MSRB3: variants seen among roughly 807,000 people sequenced by gnomAD.
MSRB3 encodes methionine sulfoxide reductase B3, also known as methionine-R-sulfoxide reductase B3.
Under a neutral mutation model 21.0 loss-of-function variants are expected in MSRB3, and 13 were observed. The ratio of observed to expected loss-of-function variants is 0.62; its 90% CI spans 0.40 to 0.98. The LOEUF (loss-of-function observed/expected upper bound fraction) is 0.98, where lower values mean the gene tolerates loss of function less well. Among genes scored for constraint, MSRB3 ranks in the 50% least tolerant of loss-of-function variants. The pLI, the probability that MSRB3 is intolerant of heterozygous loss-of-function variation, is 0.00. For missense variants in MSRB3, 199 were observed against 230.3 expected (o/e 0.86, Z 0.88); for synonymous variants, 87 against 88.6 (o/e 0.98, Z 0.10).
At chr12:65,423,512 A>G (rs1351107201) in intron 5 of MSRB3, among the ~76,000 whole-genome samples, 1 of 152,190 alleles carries the variant, frequency 6.6e-6, no homozygotes, top group African/African-American at 2.4e-5. Flanking sequence ...GTTGAGGCAC[A>G]TTCCTACTAT....
At chr12:65,397,576 G>A (rs1236592012) in intron 5 of MSRB3, among the ~76,000 whole-genome samples, 1 of 151,724 alleles carries the variant, frequency 6.6e-6, no homozygotes, top group East Asian at 1.9e-4. Flanking sequence ...ATAATCATTT[G>A]GAAAAGTACA....
chr12:65,352,361 T>A (rs1877070422), intron 4 of MSRB3, among the ~76,000 whole-genome samples: 1 of 150,478 alleles, frequency 6.6e-6, no homozygotes, highest in African/African-American at 2.5e-5. Context: ...AATATCATAC[T>A]GAATGGGCAA....
intron 5 of MSRB3, among the ~76,000 whole-genome samples, chr12:65,411,587 A>G (rs1880718332): frequency 6.6e-6 from 1 of 152,082 alleles, no homozygotes; most frequent in African/African-American, 2.4e-5. Context: ...TTCTCTTTAT[A>G]AGCTGTTTGT....
At chr12:65,281,865 A>G (rs753761794) in intron 1 of MSRB3, 2 of 152,214 alleles carry the variant, frequency 1.3e-5, no homozygotes, top group African/African-American at 2.4e-5. Flanking sequence ...GGATCTACCT[A>G]TCTGATTTAG....
intron 5 of MSRB3, among the ~76,000 whole-genome samples, chr12:65,390,456 C>T (rs540598862): frequency 6.6e-6 from 1 of 152,166 alleles, no homozygotes; most frequent in African/African-American, 2.4e-5. Flanking sequence ...TTTAGCCTCA[C>T]TATTACTCAT....
chr12:65,301,335 G>A (rs1002091830), intron 1 of MSRB3, among the ~76,000 whole-genome samples: 2 of 152,120 alleles, frequency 1.3e-5, no homozygotes, highest in African/African-American at 2.4e-5. Context: ...ATTAGAGCTT[G>A]GATCAAAGTT....
At chr12:65,295,638 A>AAAG (rs1872922643) in intron 1 of MSRB3, among the ~76,000 whole-genome samples, 1 of 152,128 alleles carries the variant, frequency 6.6e-6, no homozygotes, top group African/African-American at 2.4e-5. Context: ...ACTATTATAT[A>AAAG]ACATGTTAAA....
intron 6 of MSRB3, among the ~76,000 whole-genome samples, chr12:65,458,552 G>A (rs1428755579): frequency 1.3e-5 from 2 of 152,160 alleles, no homozygotes. Context: ...TCTTTGCATT[G>A]ACAGCACTGA....
intron 5 of MSRB3, among the ~76,000 whole-genome samples, chr12:65,435,978 T>A (rs1369719826): frequency 6.6e-6 from 1 of 151,858 alleles, no homozygotes; most frequent in African/African-American, 2.4e-5. Context: ...TTAGAAAAGT[T>A]AGATAGTGAA....
At chr12:65,350,638 C>T (rs1876904417) in intron 4 of MSRB3, among the ~76,000 whole-genome samples, 1 of 145,276 alleles carries the variant, frequency 6.9e-6, no homozygotes, top group African/African-American at 2.6e-5. Flanking sequence ...AAATGGAAAA[C>T]AAAAAAAGGC....
At chr12:65,349,056 C>T (rs1418407063) in intron 4 of MSRB3, among the ~76,000 whole-genome samples, 2 of 152,052 alleles carry the variant, frequency 1.3e-5, no homozygotes, top group African/African-American at 2.4e-5. Flanking sequence ...TATCCCTCCC[C>T]CTTCTCCCCA....
intron 2 of MSRB3, among the ~76,000 whole-genome samples, chr12:65,309,900 G>A (rs2136425099): frequency 6.6e-6 from 1 of 152,196 alleles, no homozygotes; most frequent in East Asian, 1.9e-4. Context: ...GGAAGGAAAG[G>A]TAGCCAAATC....
intron 4 of MSRB3, among the ~76,000 whole-genome samples, chr12:65,347,447 CTT>C (rs1305322945): frequency 6.6e-6 from 1 of 152,186 alleles, no homozygotes; most frequent in Admixed American, 6.5e-5. Flanking sequence ...TATCCTGAGA[CTT>C]TGCTGAAGTT....
At chr12:65,350,100 A>C (rs2136491943) in intron 4 of MSRB3, among the ~76,000 whole-genome samples, 1 of 152,090 alleles carries the variant, frequency 6.6e-6, no homozygotes, top group African/African-American at 2.4e-5. Context: ...GGTGTAAGGA[A>C]GGGATCCAGT....
At chr12:65,320,252 A>G (rs909361292) in intron 2 of MSRB3, among the ~76,000 whole-genome samples, 8 of 152,328 alleles carry the variant, frequency 5.3e-5, no homozygotes, top group Middle Eastern at 3.4e-3. Flanking sequence ...AGAAGAAACA[A>G]TTATCTTTTT....
intron 1 of MSRB3, among the ~76,000 whole-genome samples, chr12:65,290,146 G>A (rs895672020): frequency 6.9e-6 from 1 of 144,794 alleles, no homozygotes; most frequent in Non-Finnish European, 1.5e-5. Flanking sequence ...TAATAGTGAT[G>A]ATAATAGTGA....
chr12:65,462,648 G>A (rs145764885), intron 6 of MSRB3, among the ~76,000 whole-genome samples: 14 of 152,250 alleles, frequency 9.2e-5, no homozygotes, highest in East Asian at 1.9e-4. Flanking sequence ...CCATTGCTTC[G>A]CTGGGTTCCA....
chr12:65,308,539 T>C lies in MSRB3; in HGVS notation c.-41T>C. ...TTTTCTCCTACTCAGCTCTTGCCCC[T>C]GTTCTTTGCTTCTCGTTTTGTTGGT... On this transcript the variant is annotated 5_prime_UTR_variant, in exon 2 of 7. Coordinates refer to ENST00000308259, the MANE Select transcript of MSRB3 (RefSeq NM_001031679.3). The C allele has an allele frequency of 6.2e-7, 1 of 1,613,844 alleles. No homozygotes were observed.
chr12:65,404,451 G>C (rs1031375069), intron 5 of MSRB3, among the ~76,000 whole-genome samples: 2 of 152,106 alleles, frequency 1.3e-5, no homozygotes, highest in African/African-American at 4.8e-5. Context: ...TGATTTACTT[G>C]TATTTACTAT....
Sources: gnomAD v4.1 joint callset for allele counts (sites outside exome capture counted in the v4.1 genomes callset) on GRCh38, gnomAD v4.1.1 for gene constraint, MANE v1.5 for transcripts, NCBI Gene and HGNC (gene_info 2026-07-23, HGNC 2026-07-21) for gene names.